The following PLA2G6 variants were observed in gnomAD, a reference collection of about 807,000 sequenced individuals.
The protein encoded by PLA2G6 is 85/88 kDa calcium-independent phospholipase A2.
In PLA2G6, 62 loss-of-function variants were observed where a neutral mutation model predicts 83.8. That is an observed-to-expected ratio of 0.74 (90% CI 0.60 to 0.91). The LOEUF (loss-of-function observed/expected upper bound fraction) is 0.91. Ranked by LOEUF, PLA2G6 falls within the 40% of genes least tolerant of loss-of-function variation. PLA2G6 has a pLI of 0.00. For missense variants in PLA2G6, 944 were observed against 1,102.0 expected, an observed-to-expected ratio of 0.86 and a Z score of 2.03; for synonymous variants, 417 against 449.8, an observed-to-expected ratio of 0.93 and a Z score of 0.92.
At chr22:38,172,345 G>T (rs1280255281) in intron 1 of PLA2G6, among the ~76,000 whole-genome samples, 2 of 152,166 alleles carry the variant, frequency 1.3e-5, no homozygotes, top group Non-Finnish European at 2.9e-5. Context: ...AAAGGCAGCT[G>T]CTCGTCTTTT....
chr22:38,127,919 G>T (rs1242209284), intron 9 of PLA2G6, among the ~76,000 whole-genome samples: 1 of 152,184 alleles, frequency 6.6e-6, no homozygotes, highest in Non-Finnish European at 1.5e-5. Flanking sequence ...GAGGGCCCGG[G>T]CCCCCAGTCC....
In PLA2G6 at chr22:38,120,945, C is replaced by T. The variant is rs200055035; in HGVS notation, c.1592-36G>A. 7.1e-5 allele frequency: 114 copies of T among 1,609,660 alleles called. 1 individual carries two copies. In the Admixed American group the frequency reaches 1.0e-3, roughly 14 times the overall value. On this transcript the variant is annotated intron_variant, in intron 11 of 16. Coordinates refer to ENST00000332509, the MANE Select transcript of PLA2G6 (RefSeq NM_003560.4). Reference sequence around the variant, plus strand: ...AGGGGTCAGAGGCGGGGAGATGCAGCGGCCACACGCAGGGCTCCCGTAGAA... The same window carrying T: ...AGGGGTCAGAGGCGGGGAGATGCAGTGGCCACACGCAGGGCTCCCGTAGAA...
Position 38,132,575 on chromosome 22 carries a change from C to T in PLA2G6, c.1077+256G>A, listed in dbSNP as rs1283636443. ...GAGCTGTCATTTTTCCCTCTCGTGCCATGCAAGTGCCAAATGGGGGCACAG... is the reference window on the plus strand; with the variant it reads ...GAGCTGTCATTTTTCCCTCTCGTGCTATGCAAGTGCCAAATGGGGGCACAG... On this transcript the variant is annotated intron_variant, in intron 7 of 16. Coordinates refer to ENST00000332509, the MANE Select transcript of PLA2G6 (RefSeq NM_003560.4). This position sits in a 1 kb window ranked among gnomAD's most constrained non-coding sequence, Gnocchi z 5.0. 11 of 570,448 alleles carry T rather than the reference C, an allele frequency of 1.9e-5. No individual in the cohort carries two copies. Among genetic ancestry groups the T allele is most frequent in the Non-Finnish European group, 2.8e-5 (9 of 318,626 alleles). The allele number at this position is 570,448 out of a possible 1,614,324, so 35.3% of individuals were successfully genotyped here.
intron 12 of PLA2G6, among the ~76,000 whole-genome samples, chr22:38,118,846 G>A (rs1209414577): frequency 2.1e-4 from 32 of 150,786 alleles, no homozygotes; most frequent in African/African-American, 6.3e-4. Flanking sequence ...CTCAGCCTCC[G>A]GGGCTCAAGT....
At chr22:38,120,557 C>T (rs2087464498) in intron 12 of PLA2G6, among the ~76,000 whole-genome samples, 1 of 152,200 alleles carries the variant, frequency 6.6e-6, no homozygotes, top group Non-Finnish European at 1.5e-5. Flanking sequence ...GGCCACGCCC[C>T]TCCTGCGCTC....
chr22:38,175,864 G>A (rs1316201211), intron 1 of PLA2G6, among the ~76,000 whole-genome samples: 1 of 152,076 alleles, frequency 6.6e-6, no homozygotes, highest in Non-Finnish European at 1.5e-5. Flanking sequence ...ACTCACAGTG[G>A]GTGTTTAATA....
At chr22:38,164,453 A>G (rs2090139627) in intron 2 of PLA2G6, among the ~76,000 whole-genome samples, 1 of 152,236 alleles carries the variant, frequency 6.6e-6, no homozygotes, top group Non-Finnish European at 1.5e-5. Flanking sequence ...TGAGGATAAC[A>G]TGAGTTACTA....
chr22:38,166,836 A>T (rs116219684), intron 2 of PLA2G6, among the ~76,000 whole-genome samples: 1 of 152,222 alleles, frequency 6.6e-6, no homozygotes, highest in Admixed American at 6.5e-5. Context: ...CTTCCTGTGT[A>T]TAAGTGGGAT....
intron 10 of PLA2G6, 177 bp downstream of exon 10, chr22:38,126,194 C>G (rs368148121): frequency 2.9e-6 from 2 of 681,934 alleles, no homozygotes; most frequent in Non-Finnish European, 5.4e-6. Flanking sequence ...CATTAATGAA[C>G]GAGCGACACA....
At chr22:38,165,363 G>C (rs1045516526) in intron 2 of PLA2G6, among the ~76,000 whole-genome samples, 4 of 152,164 alleles carry the variant, frequency 2.6e-5, no homozygotes, top group Non-Finnish European at 4.4e-5. Context: ...GTGCAGGGAC[G>C]GGTGCCATGG....
intron 2 of PLA2G6, among the ~76,000 whole-genome samples, chr22:38,164,574 T>G (rs368676547): frequency 9.5e-4 from 144 of 152,310 alleles, no homozygotes; most frequent in Middle Eastern, 3.4e-3. Flanking sequence ...CCAGCAGCAG[T>G]GCTGTGGGAC....
rs1356679312 is a variant in PLA2G6, at chr22:38,123,154, A to G, written c.1532T>C (p.Leu511Pro). ...EKASGVATKDLFDWVAGTSTG... is the reference protein window; with the variant it reads ...EKASGVATKDPFDWVAGTSTG... ...GCTGGTGCCCGCCACCCAGTCAAAC[A>G]GGTCCTTGGTGGCCACACCCGAGGC... The change falls in exon 11 of 17, where the codon CTG becomes CCG. Residue 511 changes from leucine to proline, a missense_variant. Physicochemically the swap from Leu to Pro is moderately conservative, Grantham distance 98. Transcript: ENST00000332509. This position sits in a 1 kb window ranked among gnomAD's most constrained non-coding sequence, Gnocchi z 4.1. 1 of 1,550,468 alleles carries G rather than the reference A, an allele frequency of 6.4e-7. No homozygotes were observed.
intron 11 of PLA2G6, 141 bp downstream of exon 11, chr22:38,122,953 GC>G (rs2087606887): frequency 9.8e-6 from 8 of 812,406 alleles, no homozygotes; most frequent in Non-Finnish European, 1.4e-5. Flanking sequence ...AGCACCTGCA[GC>G]CCCGCCCCTG....
chr22:38,165,968 G>C (rs956768301), intron 2 of PLA2G6, among the ~76,000 whole-genome samples: 5 of 152,180 alleles, frequency 3.3e-5, no homozygotes, highest in Non-Finnish European at 5.9e-5. Flanking sequence ...TTGCCCTCTG[G>C]AAACAGCGCT....
intron 2 of PLA2G6, among the ~76,000 whole-genome samples, chr22:38,167,721 C>T (rs2090274850): frequency 6.6e-6 from 1 of 152,262 alleles, no homozygotes; most frequent in Non-Finnish European, 1.5e-5. Context: ...GCCTCTGCCT[C>T]AGGTTCCTTG....
At position 38,127,551 on chromosome 22, in the gene PLA2G6, T is replaced by C. The variant is rs942071652; in HGVS notation, c.1348+718A>G. On this transcript the variant is annotated intron_variant, in intron 9 of 16. Transcript: ENST00000332509. ...CCAGGACTAGAAGCCACAGTCACGG[T>C]GCCTCTCCAGAGTTCCAGGCTTGGT... 4 of 835,092 alleles carry C rather than the reference T, an allele frequency of 4.8e-6. No individual in the cohort carries two copies. The African/African-American group carries it at 7.0e-5, about 15-fold the overall frequency. The allele number at this position is 835,092 out of a possible 1,614,324, so 51.7% of individuals were successfully genotyped here. A position where few individuals can be genotyped will look rare whatever the true frequency, so the allele number is the denominator to read the frequency against.
chr22:38,142,555 CAGA>C (rs1179093370), intron 4 of PLA2G6: 10 of 176,240 alleles, frequency 5.7e-5, no homozygotes, highest in Non-Finnish European at 1.1e-4. Flanking sequence ...TGGGCCACAT[CAGA>C]AGAATTGTCT....
intron 9 of PLA2G6, 118 bp from the exon 10 acceptor site, chr22:38,126,567 C>A (rs1279150466): frequency 2.7e-6 from 2 of 731,686 alleles, no homozygotes; most frequent in Non-Finnish European, 4.9e-6. Context: ...CTCATCCCCC[C>A]ACTCCCCCTG....
rs1487384198 is a variant in PLA2G6 at position 38,143,235 on chromosome 22, C to G, written c.479G>C (p.Cys160Ser). 14 of 1,614,104 alleles carry G rather than the reference C, an allele frequency of 8.7e-6. No individual in the cohort carries two copies. The highest frequency in any genetic ancestry group is 1.2e-5 in the Non-Finnish European group (14 of 1,180,020). ...EEGCTPLHLA[C>S]RKGDGEILVE... ...CAGGATCTCCCCATCACCCTTGCGG[C>G]AGGCCAGGTGCAGGGGTGTGCAGCC... Residue 160 changes from cysteine to serine, a missense_variant, in exon 4 of 17, where the codon TGC becomes TCC. By Grantham distance (112) the Cys-to-Ser change is moderately radical. Coordinates refer to ENST00000332509, the MANE Select transcript of PLA2G6 (RefSeq NM_003560.4).
Sources: allele counts gnomAD v4.1 joint callset (sites outside exome capture counted in the v4.1 genomes callset), GRCh38; gene constraint gnomAD v4.1.1; non-coding constraint Gnocchi (gnomAD v3.1); transcripts MANE v1.5; gene names NCBI Gene and HGNC (gene_info 2026-07-23, HGNC 2026-07-21).